The following LAMC1 variants were observed in gnomAD, a reference collection of about 807,000 sequenced individuals.
LAMC1 encodes laminin subunit gamma-1.
In LAMC1, 38 loss-of-function variants were observed where a neutral mutation model predicts 173.6. The observed-to-expected ratio is 0.22, with a 90% CI of 0.17 to 0.29. The LOEUF is 0.29. Among genes scored for constraint, LAMC1 ranks in the 10% least tolerant of loss-of-function variants. LAMC1 has a pLI of 1.00. For synonymous variants in LAMC1, 746 were observed against 749.1 expected (o/e 1.00, Z 0.07); for missense variants, 1,824 against 2,051.8 (o/e 0.89, Z 2.14).
intron 6 of LAMC1, 93 bp from the exon 7 acceptor site, chr1:183,116,484 A>AAT: frequency 1.1e-6 from 1 of 900,298 alleles, no homozygotes; most frequent in Non-Finnish European, 1.7e-6. Context: ...CTCAAAAAAA[A>AAT]AAAAATCTGT....
intron 1 of LAMC1, among the ~76,000 whole-genome samples, chr1:183,047,501 T>C (rs1654296255): frequency 6.6e-6 from 1 of 152,214 alleles, no homozygotes; most frequent in Non-Finnish European, 1.5e-5. Context: ...TTATTTATCA[T>C]CTGAGAAAGG....
intron 1 of LAMC1, among the ~76,000 whole-genome samples, chr1:183,047,767 C>T (rs1340580042): frequency 5.9e-5 from 9 of 152,054 alleles, no homozygotes; most frequent in Non-Finnish European, 1.3e-4. Context: ...AAAGAATTGC[C>T]CAAATCCTGC....
intron 1 of LAMC1, among the ~76,000 whole-genome samples, chr1:183,058,535 G>A (rs1049737163): frequency 6.6e-6 from 1 of 152,212 alleles, no homozygotes; most frequent in African/African-American, 2.4e-5. Flanking sequence ...GGAGTCTGGT[G>A]TGTGAAAACA....
intron 1 of LAMC1, among the ~76,000 whole-genome samples, chr1:183,062,959 A>AT (rs777745537): frequency 4.0e-4 from 61 of 152,220 alleles, no homozygotes; most frequent in Non-Finnish European, 7.1e-4. Context: ...GTATCAAAAA[A>AT]TAATAATAAA....
At chr1:183,103,259 G>T in intron 1 of LAMC1, 69 bp from the exon 2 acceptor site, 2 of 1,412,048 alleles carry the variant, frequency 1.4e-6, no homozygotes, top group Non-Finnish European at 2.0e-6. Context: ...TCCAAACTAA[G>T]CTGGGAATAG....
Position 183,057,657 on chromosome 1 carries a change from A to T in LAMC1, c.418+33523A>T, listed in dbSNP as rs546164820. 2.2e-3 allele frequency among the ~76,000 whole-genome samples: 331 copies of T among 152,030 alleles called. 2 individuals carry two copies. The highest frequency in any genetic ancestry group is 3.9e-3 in the Non-Finnish European group (263 of 68,006). Reference sequence around the variant, plus strand: ...GCGCCTGTAATCCCAGCTACTCAGGAGGCTGAGGCAGGAGAATTGCTTGAG... The same window carrying T: ...GCGCCTGTAATCCCAGCTACTCAGGTGGCTGAGGCAGGAGAATTGCTTGAG... On this transcript the variant is annotated intron_variant, in intron 1 of 27. Transcript: ENST00000258341.
At chr1:183,079,680 TTACA>T (rs1393752521) in intron 1 of LAMC1, among the ~76,000 whole-genome samples, 1 of 152,190 alleles carries the variant, frequency 6.6e-6, no homozygotes, top group African/African-American at 2.4e-5. Context: ...CATTGAAATT[TTACA>T]TATGATTGTT....
intron 24 of LAMC1, among the ~76,000 whole-genome samples, chr1:183,136,137 G>A (rs1192853082): frequency 1.3e-5 from 2 of 152,186 alleles, no homozygotes; most frequent in Non-Finnish European, 2.9e-5. Flanking sequence ...GGGATGCTCA[G>A]CGCTCTGCAT....
chr1:183,094,959 C>T (rs1043612107), intron 1 of LAMC1, among the ~76,000 whole-genome samples: 1 of 152,082 alleles, frequency 6.6e-6, no homozygotes, highest in Non-Finnish European at 1.5e-5. Context: ...GATTCTCCTG[C>T]CTCAGCCTCC....
intron 26 of LAMC1, among the ~76,000 whole-genome samples, chr1:183,139,190 G>T (rs1163133316): frequency 6.6e-6 from 1 of 152,138 alleles, no homozygotes; most frequent in East Asian, 1.9e-4. Flanking sequence ...TTCAAAAAAG[G>T]GTTTTGGTTT....
At chr1:183,119,044 G>A (rs1239350218) in intron 11 of LAMC1, among the ~76,000 whole-genome samples, 1 of 151,846 alleles carries the variant, frequency 6.6e-6, no homozygotes, top group Non-Finnish European at 1.5e-5. Flanking sequence ...TTACCGGCAC[G>A]CCCCACCACA....
chr1:183,103,715 T>A, intron 2 of LAMC1, 83 bp downstream of exon 2: 1 of 1,233,942 alleles, frequency 8.1e-7, no homozygotes, highest in Non-Finnish European at 1.1e-6. Flanking sequence ...GGGCTTGTGG[T>A]CCCACTTCTG....
At position 183,116,666 on chromosome 1, in the gene LAMC1, A is replaced by G. The variant is rs1219530901; in HGVS notation, c.1418A>G (p.Asn473Ser). ...TGCAAAGACAATGTCGAAGGCTTCA[A>G]TTGTGAAAGGTAGTGCATTCTTTCT... The part of the protein sequence containing the change: ...CVCKDNVEGF[N>S]CERCKPGFFN... The change falls in exon 7 of 28, where the codon AAT (asparagine) becomes AGT (serine). Residue 473 changes from asparagine to serine, a missense_variant. Coordinates refer to ENST00000258341, the MANE Select transcript of LAMC1 (RefSeq NM_002293.4). The G allele has an allele frequency of 9.3e-6, 15 of 1,612,798 alleles. No individual in the cohort carries two copies. Among genetic ancestry groups the G allele is most frequent in the Middle Eastern group, 1.6e-4 (1 of 6,084 alleles).
chr1:183,044,897 T>C (rs1475949430), intron 1 of LAMC1, among the ~76,000 whole-genome samples: 6 of 151,536 alleles, frequency 4.0e-5, no homozygotes, highest in African/African-American at 1.5e-4. Flanking sequence ...ATATTAATTG[T>C]AAAGTGTCAT....
rs570899615 is a variant in LAMC1 at position 183,117,248 on chromosome 1, A to G, written c.1565-72A>G. ...ACAAGGTGTGGTCTTACACATTTTT[A>G]TGATACATAGAGGACCTGAATTCAG... On this transcript the variant is annotated intron_variant, in intron 8 of 27. Transcript: ENST00000258341. 108 of 1,502,026 alleles carry G rather than the reference A, an allele frequency of 7.2e-5. No homozygotes were observed. In the African/African-American group the frequency reaches 1.2e-3, roughly 17 times the overall value. The allele number at this position is 1,502,026 out of a possible 1,614,324, so 93.0% of individuals were successfully genotyped here.
chr1:183,138,259 C>T (rs1321999640), intron 26 of LAMC1: 1 of 893,532 alleles, frequency 1.1e-6, no homozygotes, highest in African/African-American at 1.8e-5. Context: ...TACCACCCCA[C>T]CAAAACATAT....
At chr1:183,100,368 C>T (rs1363033369) in intron 1 of LAMC1, among the ~76,000 whole-genome samples, 2 of 152,208 alleles carry the variant, frequency 1.3e-5, no homozygotes, top group South Asian at 4.1e-4. Flanking sequence ...TGGCCATTGC[C>T]TTTAAGCTGA....
intron 19 of LAMC1, 25 bp from the exon 20 acceptor site, chr1:183,131,274 A>G: frequency 1.3e-6 from 2 of 1,577,434 alleles, no homozygotes; most frequent in Non-Finnish European, 1.7e-6. Context: ...GTCCTTTGAG[A>G]ATAAGTGCTT....
intron 22 of LAMC1, 129 bp downstream of exon 22, chr1:183,133,679 C>G: frequency 2.2e-6 from 2 of 922,452 alleles, no homozygotes; most frequent in Non-Finnish European, 3.1e-6. Context: ...ATTTCACATA[C>G]GCTAATAGAA....
Sources: gnomAD v4.1 joint callset for allele counts (sites outside exome capture counted in the v4.1 genomes callset) on GRCh38, gnomAD v4.1.1 for gene constraint, MANE v1.5 for transcripts, NCBI Gene and HGNC (gene_info 2026-07-23, HGNC 2026-07-21) for gene names.